Variants in USP40 observed in about 807,000 individuals in gnomAD.
USP40 encodes the protein ubiquitin carboxyl-terminal hydrolase 40.
A neutral mutation model predicts 166.2 loss-of-function variants in USP40; 143 were observed. The observed-to-expected ratio is 0.86, with a 90% CI of 0.75 to 0.99. The LOEUF (loss-of-function observed/expected upper bound fraction) is 0.99. Among genes scored for constraint, USP40 ranks in the 50% least tolerant of loss-of-function variants. The pLI is 0.00. For missense variants in USP40, 1,444 were observed against 1,479.7 expected (o/e 0.98, Z 0.40); for synonymous variants, 498 against 524.0 (o/e 0.95, Z 0.68).
chr2:233,515,199 C>T (rs2067102512), intron 18 of USP40, among the ~76,000 whole-genome samples: 1 of 152,200 alleles, frequency 6.6e-6, no homozygotes, highest in Non-Finnish European at 1.5e-5. Context: ...GGGTTAGGAA[C>T]ATTTATGTCT....
intron 16 of USP40, 55 bp downstream of exon 16, chr2:233,523,115 G>A: frequency 6.6e-7 from 1 of 1,517,422 alleles, no homozygotes; most frequent in Non-Finnish European, 8.9e-7. Flanking sequence ...TCTGCTGGGT[G>A]GTACTGTAAT....
At chr2:233,525,313 C>T (rs923415984) in intron 14 of USP40, among the ~76,000 whole-genome samples, 165 bp downstream of exon 14, 1 of 152,016 alleles carries the variant, frequency 6.6e-6, no homozygotes, top group African/African-American at 2.4e-5. Context: ...TACATTAAAA[C>T]GTGGATATTT....
At chr2:233,504,195 GACAACCATCAAACC>G (rs1247342864) in intron 21 of USP40, among the ~76,000 whole-genome samples, 1 of 151,874 alleles carries the variant, frequency 6.6e-6, no homozygotes, top group African/African-American at 2.4e-5. Flanking sequence ...TAGCACCATA[GACAACCATCAAACC>G]ACAGAAGTAA....
chr2:233,557,799 G>A (rs2071230080), intron 4 of USP40, among the ~76,000 whole-genome samples: 6 of 152,044 alleles, frequency 3.9e-5, no homozygotes, highest in Admixed American at 3.9e-4. Flanking sequence ...TAGAAAGGAA[G>A]GAGAGGAACA....
chr2:233,565,077 T>C (rs1294731472), intron 2 of USP40, among the ~76,000 whole-genome samples: 1 of 152,206 alleles, frequency 6.6e-6, no homozygotes, highest in Non-Finnish European at 1.5e-5. Context: ...CTTATGACAA[T>C]TGTCTTTACG....
intron 13 of USP40, among the ~76,000 whole-genome samples, chr2:233,527,203 A>G (rs1428477936): frequency 6.6e-6 from 1 of 152,140 alleles, no homozygotes; most frequent in Non-Finnish European, 1.5e-5. Context: ...TCTACCTGAA[A>G]AGCTGCTGGT....
intron 10 of USP40, among the ~76,000 whole-genome samples, chr2:233,538,565 T>A (rs1475456192): frequency 1.3e-5 from 2 of 152,292 alleles, no homozygotes; most frequent in African/African-American, 2.4e-5. Context: ...GCCAACAAAT[T>A]TGACACCTCA....
intron 30 of USP40, among the ~76,000 whole-genome samples, chr2:233,482,587 T>C (rs1050172687): frequency 6.8e-6 from 1 of 147,194 alleles, no homozygotes; most frequent in Non-Finnish European, 1.5e-5. Flanking sequence ...CTGGAGTTTT[T>C]TTTTTTTGTT....
At chr2:233,521,591 C>T in intron 16 of USP40, among the ~76,000 whole-genome samples, 1 of 152,184 alleles carries the variant, frequency 6.6e-6, no homozygotes, top group Non-Finnish European at 1.5e-5. Context: ...TTTATAATTG[C>T]AGCCGGCAGT....
chr2:233,520,874 T>C (rs2067603757), intron 17 of USP40, 117 bp downstream of exon 17: 1 of 1,140,176 alleles, frequency 8.8e-7, no homozygotes, highest in East Asian at 2.5e-5. Flanking sequence ...AAAAGCTGAC[T>C]TCCTAAGAGC....
intron 21 of USP40, among the ~76,000 whole-genome samples, chr2:233,502,793 G>C (rs2066167559): frequency 1.3e-5 from 2 of 151,562 alleles, no homozygotes; most frequent in African/African-American, 2.4e-5. Context: ...ACTGGCATAG[G>C]GATCATGCTA....
chr2:233,513,864 G>A (rs2066995032), intron 18 of USP40, among the ~76,000 whole-genome samples: 1 of 151,956 alleles, frequency 6.6e-6, no homozygotes, highest in Admixed American at 6.6e-5. Flanking sequence ...GAGGGGTGGG[G>A]GAAGGTTGAG....
intron 25 of USP40, chr2:233,492,611 A>T (rs2065420288): frequency 6.6e-6 from 1 of 152,200 alleles, no homozygotes; most frequent in Admixed American, 6.5e-5. Flanking sequence ...AGCTCATTCA[A>T]CATTACTCTC....
At chr2:233,519,219 C>T (rs1411423488) in intron 18 of USP40, among the ~76,000 whole-genome samples, 1 of 152,116 alleles carries the variant, frequency 6.6e-6, no homozygotes, top group African/African-American at 2.4e-5. Context: ...GAATTAAACA[C>T]TTAAACTGAG....
At chr2:233,529,298 G>A in intron 12 of USP40, 133 bp downstream of exon 12, 2 of 678,054 alleles carry the variant, frequency 2.9e-6, no homozygotes, top group Non-Finnish European at 4.7e-6. Context: ...AAATTCAGCA[G>A]CCAAACAGAC....
chr2:233,483,440 G>T (rs1484476248), intron 30 of USP40, among the ~76,000 whole-genome samples: 1 of 152,170 alleles, frequency 6.6e-6, no homozygotes, highest in Non-Finnish European at 1.5e-5. Context: ...ACAGTGAGTG[G>T]AAATCATGCT....
intron 10 of USP40, among the ~76,000 whole-genome samples, chr2:233,539,372 G>A (rs1411073621): frequency 1.3e-5 from 2 of 152,012 alleles, no homozygotes; most frequent in African/African-American, 2.4e-5. Flanking sequence ...CGTAAAACAA[G>A]TCCTAAGAAA....
chr2:233,536,970 A>G (rs1037831810), intron 10 of USP40, among the ~76,000 whole-genome samples: 3 of 152,008 alleles, frequency 2.0e-5, no homozygotes, highest in African/African-American at 7.3e-5. Context: ...CTGCAGCCTC[A>G]GACTCTTGGG....
rs925347049 is a variant in USP40, at chr2:233,496,819, T to C, written c.2729A>G (p.Lys910Arg). 1.2e-6 allele frequency: 2 copies of C among 1,612,306 alleles called. No homozygotes were observed. Among genetic ancestry groups the C allele is most frequent in the African/African-American group, 2.7e-5 (2 of 74,872 alleles). The change falls in exon 24 of 32, where the codon AAA becomes AGA. Residue 910 changes from lysine (K) to arginine (R), a missense_variant. Coordinates refer to ENST00000678225, the MANE Select transcript of USP40 (RefSeq NM_001365479.2). ...ATCTCCAGAACATATCAGAAGTTCT[T>C]TCAGTGTTGCATCCTGGGAAGACAA... ...EPLCEEDATL[K>R]ELLICSGDTL...
Sources: allele counts gnomAD v4.1 joint callset (sites outside exome capture counted in the v4.1 genomes callset), GRCh38; gene constraint gnomAD v4.1.1; transcripts MANE v1.5; gene names NCBI Gene and HGNC (gene_info 2026-07-23, HGNC 2026-07-21).